The following TAX1BP1 variants were observed in gnomAD, a reference collection of about 807,000 sequenced individuals.
TAX1BP1 encodes tax1-binding protein 1.
A neutral mutation model predicts 97.7 loss-of-function variants in TAX1BP1; 62 were observed. The ratio of observed to expected loss-of-function variants is 0.63; its 90% confidence interval spans 0.52 to 0.78. TAX1BP1 has a LOEUF of 0.78. Among genes scored for constraint, TAX1BP1 ranks in the 30% least tolerant of loss-of-function variants. The pLI is 0.00. For missense variants in TAX1BP1, 867 were observed against 916.1 expected, an observed-to-expected ratio of 0.95 and a Z score of 0.69; for synonymous variants, 340 against 304.2, an observed-to-expected ratio of 1.12 and a Z score of -1.23.
At chr7:27,808,369 GT>G (rs1159333047) in intron 13 of TAX1BP1, among the ~76,000 whole-genome samples, 2 of 152,130 alleles carry the variant, frequency 1.3e-5, no homozygotes, top group African/African-American at 2.4e-5. Context: ...CCTGGTCTGA[GT>G]TTCCTTGATA....
chr7:27,784,040 A>G (rs965774665), intron 5 of TAX1BP1, among the ~76,000 whole-genome samples: 10 of 152,226 alleles, frequency 6.6e-5, no homozygotes, highest in Non-Finnish European at 8.8e-5. Flanking sequence ...AAAATAATGT[A>G]GCAATGTTCA....
At chr7:27,808,916 A>T (rs1298209652) in intron 13 of TAX1BP1, among the ~76,000 whole-genome samples, 3 of 152,218 alleles carry the variant, frequency 2.0e-5, no homozygotes, top group Admixed American at 2.0e-4. Context: ...TCCCCCAGGG[A>T]TTCTTGACCA....
chr7:27,750,970 A>G (rs1039123981), intron 2 of TAX1BP1, among the ~76,000 whole-genome samples: 36 of 152,190 alleles, frequency 2.4e-4, no homozygotes, highest in African/African-American at 8.4e-4. Flanking sequence ...TGGAAACCTG[A>G]ACATGTCTTT....
intron 12 of TAX1BP1, among the ~76,000 whole-genome samples, chr7:27,797,394 A>T (rs1789977012): frequency 6.6e-6 from 1 of 152,032 alleles, no homozygotes; most frequent in Admixed American, 6.6e-5. Flanking sequence ...AAAAGGGAAA[A>T]TGCTTCTCAT....
chr7:27,815,277 G>A (rs1334270547), intron 13 of TAX1BP1, among the ~76,000 whole-genome samples: 1 of 152,018 alleles, frequency 6.6e-6, no homozygotes, highest in Non-Finnish European at 1.5e-5. Context: ...TTTTATAGCT[G>A]CCTTTTATGA....
At chr7:27,740,422 C>A in intron 1 of TAX1BP1, 153 bp downstream of exon 1, 1 of 153,200 alleles carries the variant, frequency 6.5e-6, no homozygotes, top group Non-Finnish European at 1.5e-5. Context: ...CTTTCCTTCC[C>A]GAAGACAAAC....
intron 5 of TAX1BP1, among the ~76,000 whole-genome samples, chr7:27,775,432 G>T (rs1315306600): frequency 6.6e-6 from 1 of 152,186 alleles, no homozygotes; most frequent in African/African-American, 2.4e-5. Flanking sequence ...AGAATTTTGA[G>T]TTGCGGGAAC....
At chr7:27,798,041 G>A (rs73075310) in intron 12 of TAX1BP1, among the ~76,000 whole-genome samples, 11,758 of 151,892 alleles carry the variant, frequency 0.077, 656 homozygotes, top group Middle Eastern at 0.12. Context: ...GAAATTATTG[G>A]CCTGCTTTCT....
At position 27,782,806 on chromosome 7, in the gene TAX1BP1, T is replaced by G. The variant is rs1789312608; in HGVS notation, c.613-2357T>G. Reference sequence around the variant, plus strand: ...ATTTTACTCTGTGTATGTGTGAATCTAGAATACCATACCTTTTTTCTAGAT... The same window carrying G: ...ATTTTACTCTGTGTATGTGTGAATCGAGAATACCATACCTTTTTTCTAGAT... On this transcript the variant is annotated intron_variant, in intron 5 of 16. Transcript: ENST00000396319. 2.0e-5 allele frequency among the ~76,000 whole-genome samples: 3 copies of G among 152,352 alleles called. No individual in the cohort carries two copies. In the South Asian group the frequency reaches 6.2e-4, roughly 32 times the overall value.
intron 5 of TAX1BP1, among the ~76,000 whole-genome samples, chr7:27,777,808 T>C (rs561540318): frequency 1.3e-5 from 2 of 152,302 alleles, no homozygotes; most frequent in Non-Finnish European, 1.5e-5. Flanking sequence ...CTGGAGCAGT[T>C]ATAGAGGTGA....
At chr7:27,786,916 A>G (rs1400747925) in intron 7 of TAX1BP1, among the ~76,000 whole-genome samples, 1 of 152,212 alleles carries the variant, frequency 6.6e-6, no homozygotes, top group Non-Finnish European at 1.5e-5. Context: ...GTCATGGGAA[A>G]ATCAATATAG....
chr7:27,773,166 T>C (rs1788907284), intron 5 of TAX1BP1, among the ~76,000 whole-genome samples: 1 of 152,128 alleles, frequency 6.6e-6, no homozygotes, highest in Admixed American at 6.6e-5. Context: ...TGTCCGTGAT[T>C]GCACAGTTAG....
intron 5 of TAX1BP1, among the ~76,000 whole-genome samples, chr7:27,773,619 T>C (rs1186078040): frequency 1.3e-5 from 2 of 152,118 alleles, no homozygotes; most frequent in Admixed American, 6.6e-5. Flanking sequence ...TGTTGTAATA[T>C]ATATTGTTAA....
At chr7:27,794,500 T>C (rs1277777458) in intron 11 of TAX1BP1, 54 bp downstream of exon 11, 7 of 1,486,586 alleles carry the variant, frequency 4.7e-6, no homozygotes, top group Non-Finnish European at 4.5e-6. Context: ...AAAGTACTTA[T>C]ACTGCCTTCT....
intron 13 of TAX1BP1, among the ~76,000 whole-genome samples, chr7:27,813,361 C>CTT (rs372748567): frequency 0.029 from 4,232 of 145,022 alleles, 194 homozygotes; most frequent in African/African-American, 0.1. Flanking sequence ...TTTTTTTTTT[C>CTT]TTTTTTTTTC....
At position 27,741,297 on chromosome 7, in the gene TAX1BP1, A is replaced by G. The variant is rs552551148; in HGVS notation, c.-8+1028A>G. The stretch of plus-strand genomic sequence containing the variant: ...AAGAGATCATTTGAATAGAAACTAA[A>G]AGTGGGTCGATCGTCCTCAAAGTGC... On this transcript the variant is annotated intron_variant, in intron 1 of 16. Coordinates refer to ENST00000396319, the MANE Select transcript of TAX1BP1 (RefSeq NM_006024.7). 5.1e-4 allele frequency among the ~76,000 whole-genome samples: 72 copies of G among 141,404 alleles called. 1 individual carries two copies. In the East Asian group the frequency reaches 0.019, roughly 37 times the overall value. 92.8% of individuals were successfully genotyped at this position (141,404 alleles called of 152,430 possible). A position where few individuals can be genotyped will look rare whatever the true frequency, so the allele number is the denominator to read the frequency against.
chr7:27,827,946 G>T, intron 16 of TAX1BP1, 126 bp downstream of exon 16: 2 of 709,284 alleles, frequency 2.8e-6, no homozygotes, highest in Admixed American at 2.6e-5. Context: ...GAAACACCAG[G>T]CGTAGGCCCA....
chr7:27,785,746 T>C (rs1318982127), intron 7 of TAX1BP1, among the ~76,000 whole-genome samples: 1 of 152,188 alleles, frequency 6.6e-6, no homozygotes, highest in Non-Finnish European at 1.5e-5. Flanking sequence ...GAAGTGGTCT[T>C]TTCATAGGCT....
chr7:27,753,266 C>T (rs1788087906), intron 2 of TAX1BP1, among the ~76,000 whole-genome samples: 1 of 151,962 alleles, frequency 6.6e-6, no homozygotes, highest in Non-Finnish European at 1.5e-5. Context: ...TACCACTGCA[C>T]TCCAGCCTGG....
Sources: gnomAD v4.1 joint callset for allele counts (sites outside exome capture counted in the v4.1 genomes callset) on GRCh38, gnomAD v4.1.1 for gene constraint, MANE v1.5 for transcripts, NCBI Gene and HGNC (gene_info 2026-07-23, HGNC 2026-07-21) for gene names.